Variants in ANXA10 observed in about 807,000 individuals in gnomAD.
The protein encoded by ANXA10 is annexin 14.
A neutral mutation model predicts 53.5 loss-of-function variants in ANXA10; 49 were observed. The ratio of observed to expected loss-of-function variants is 0.92; its 90% CI spans 0.73 to 1.16. The LOEUF is 1.16. Ranked by LOEUF, ANXA10 falls within the 50% of genes most tolerant of loss-of-function variation. The probability of loss-of-function intolerance (pLI) is 0.00; values close to 1 mark genes in which losing one functional copy is unlikely to be tolerated. For synonymous variants in ANXA10, 131 were observed against 128.9 expected, an observed-to-expected ratio of 1.02 and a Z score of -0.11; for missense variants, 393 against 394.4, an observed-to-expected ratio of 1.00 and a Z score of 0.03.
At chr4:168,159,125 G>A (rs190255414) in intron 3 of ANXA10, among the ~76,000 whole-genome samples, 1 of 152,234 alleles carries the variant, frequency 6.6e-6, no homozygotes, top group East Asian at 1.9e-4. Flanking sequence ...ACACAAAGTG[G>A]ACTAACACGC....
At chr4:168,136,120 G>A (rs28723061) in intron 2 of ANXA10, among the ~76,000 whole-genome samples, 5,544 of 152,116 alleles carry the variant, frequency 0.036, 339 homozygotes, top group African/African-American at 0.13. Flanking sequence ...CAGCAAGGGG[G>A]AAATCTGCCC....
In ANXA10 at chr4:168,109,966, T is replaced by C. The variant is rs965829411; in HGVS notation, c.18+17248T>C. On this transcript the variant is annotated intron_variant, in intron 1 of 11. Transcript: ENST00000359299. ...TGGCTCACGCCAGTAATCCCAGCAC[T>C]TCGGGAGGCCGAGACGGGCAGATCA... Among the ~76,000 whole-genome samples the C allele has an allele frequency of 2.0e-5, 3 of 152,342 alleles. No individual in the cohort carries two copies. In the East Asian group the frequency reaches 5.8e-4, roughly 29 times the overall value.
At chr4:168,151,043 C>T (rs1169180207) in intron 3 of ANXA10, among the ~76,000 whole-genome samples, 3 of 152,138 alleles carry the variant, frequency 2.0e-5, no homozygotes, top group Non-Finnish European at 4.4e-5. Flanking sequence ...TTCAAGATTG[C>T]TCTGGGGCCC....
intron 2 of ANXA10, among the ~76,000 whole-genome samples, chr4:168,138,690 A>C (rs1233491224): frequency 1.3e-5 from 2 of 152,194 alleles, no homozygotes; most frequent in Admixed American, 1.3e-4. Flanking sequence ...GGATAGTATG[A>C]TAATTTTAGT....
rs536252598 is a variant in ANXA10, at chr4:168,134,897, TCAG to T, written c.101-4586_101-4584del. Among the ~76,000 whole-genome samples the T allele has an allele frequency of 9.2e-5, 14 of 152,332 alleles. No individual in the cohort carries two copies. The South Asian group carries it at 2.7e-3, about 29-fold the overall frequency. ...CACTTGTTCTCATTTGCTGGATATT[TCAG>T]CACCTTATTCATAGCCTTCCTGTGA... On this transcript the variant is annotated intron_variant, in intron 2 of 11. Coordinates refer to ENST00000359299, the MANE Select transcript of ANXA10 (RefSeq NM_007193.5).
At chr4:168,160,484 A>G (rs1731762848) in intron 3 of ANXA10, among the ~76,000 whole-genome samples, 1 of 152,082 alleles carries the variant, frequency 6.6e-6, no homozygotes, top group South Asian at 2.1e-4. Flanking sequence ...CTGATTATGT[A>G]TCTTTGCTAT....
At chr4:168,097,741 T>G (rs1730574847) in intron 1 of ANXA10, among the ~76,000 whole-genome samples, 1 of 152,112 alleles carries the variant, frequency 6.6e-6, no homozygotes, top group African/African-American at 2.4e-5. Flanking sequence ...ATAAATATCA[T>G]TGTCATAAAC....
chr4:168,117,274 A>G, intron 1 of ANXA10, among the ~76,000 whole-genome samples: 1 of 152,174 alleles, frequency 6.6e-6, no homozygotes, highest in East Asian at 1.9e-4. Context: ...AGGTATTCAA[A>G]TATCTCTGAA....
At chr4:168,094,346 G>C (rs1730509845) in intron 1 of ANXA10, among the ~76,000 whole-genome samples, 1 of 151,976 alleles carries the variant, frequency 6.6e-6, no homozygotes, top group African/African-American at 2.4e-5. Flanking sequence ...TGAATGTTAT[G>C]TTTTATGTAT....
chr4:168,187,140 C>T (rs909510678), intron 11 of ANXA10, among the ~76,000 whole-genome samples: 16 of 152,218 alleles, frequency 1.1e-4, no homozygotes, highest in African/African-American at 3.9e-4. Context: ...GTTCAACCGA[C>T]TTTATGTAAA....
intron 1 of ANXA10, among the ~76,000 whole-genome samples, 161 bp from the exon 2 acceptor site, chr4:168,127,923 C>A (rs1731098201): frequency 7.4e-6 from 1 of 135,752 alleles, no homozygotes; most frequent in East Asian, 2.4e-4. Flanking sequence ...GGGGTTTCAT[C>A]ATGTTGGCCA....
At chr4:168,165,891 G>T (rs557820238) in intron 6 of ANXA10, among the ~76,000 whole-genome samples, 1 of 152,108 alleles carries the variant, frequency 6.6e-6, no homozygotes, top group South Asian at 2.1e-4. Context: ...TGGCAAGGCT[G>T]GTCTCAAACT....
intron 1 of ANXA10, among the ~76,000 whole-genome samples, chr4:168,099,664 A>G (rs750900018): frequency 2.4e-4 from 37 of 152,096 alleles, no homozygotes; most frequent in Non-Finnish European, 5.3e-4. Flanking sequence ...CATTCTAGAT[A>G]TTGTGAATAC....
chr4:168,167,429 T>C (rs1731900754), intron 6 of ANXA10, among the ~76,000 whole-genome samples: 1 of 152,198 alleles, frequency 6.6e-6, no homozygotes, highest in Non-Finnish European at 1.5e-5. Context: ...ATTTAAGGTA[T>C]GTGTTCAATA....
In ANXA10 at chr4:168,099,090, G is replaced by A. The variant is rs577615122; in HGVS notation, c.18+6372G>A. On this transcript the variant is annotated intron_variant, in intron 1 of 11. Transcript: ENST00000359299. ...ACTTTTTCAGTTATGTAAAAAGAAA[G>A]CACTTTAACCACAGCAGATATAGCA... Among the ~76,000 whole-genome samples, 9 of 152,092 alleles carry A rather than the reference G, an allele frequency of 5.9e-5. 1 individual carries two copies. Among genetic ancestry groups the A allele is most frequent in the Admixed American group, 3.9e-4 (6 of 15,244 alleles).
intron 6 of ANXA10, among the ~76,000 whole-genome samples, chr4:168,169,740 G>T (rs58049441): frequency 0.02 from 3,039 of 152,190 alleles, 80 homozygotes; most frequent in African/African-American, 0.069. Flanking sequence ...GAATTGTACT[G>T]CTCCTATCTC....
intron 2 of ANXA10, among the ~76,000 whole-genome samples, chr4:168,137,650 G>A (rs1731258651): frequency 6.6e-6 from 1 of 152,166 alleles, no homozygotes; most frequent in Admixed American, 6.5e-5. Context: ...GTTCCATGGT[G>A]TGTATATGCC....
intron 5 of ANXA10, 98 bp from the exon 6 acceptor site, chr4:168,165,149 C>G: frequency 5.9e-6 from 4 of 681,072 alleles, no homozygotes; most frequent in Non-Finnish European, 9.3e-6. Flanking sequence ...ATTTCCTGGA[C>G]TTTGTACTCA....
At chr4:168,144,435 C>T (rs1731375470) in intron 3 of ANXA10, among the ~76,000 whole-genome samples, 1 of 152,220 alleles carries the variant, frequency 6.6e-6, no homozygotes, top group Non-Finnish European at 1.5e-5. Context: ...GATCCACCTA[C>T]CTTGGCCTCC....
Sources: allele counts gnomAD v4.1 joint callset (sites outside exome capture counted in the v4.1 genomes callset), GRCh38; gene constraint gnomAD v4.1.1; transcripts MANE v1.5; gene names NCBI Gene and HGNC (gene_info 2026-07-23, HGNC 2026-07-21).